The following CDH12 variants were observed in gnomAD, a reference collection of about 807,000 sequenced individuals.
CDH12 encodes cadherin 12, also known as cadherin-12.
CDH12 carries 41 observed loss-of-function variants against 74.1 expected under a neutral mutation model. The ratio of observed to expected loss-of-function variants is 0.55; its 90% CI spans 0.43 to 0.72. The LOEUF is 0.72. Among genes scored for constraint, CDH12 ranks in the 30% least tolerant of loss-of-function variants. The pLI, the probability that CDH12 is intolerant of heterozygous loss-of-function variation, is 0.00. For synonymous variants in CDH12, 399 were observed against 355.0 expected, an observed-to-expected ratio of 1.12 and a Z score of -1.39; for missense variants, 945 against 977.2, an observed-to-expected ratio of 0.97 and a Z score of 0.44.
At chr5:21,785,105 C>T (rs1746129916) in intron 10 of CDH12, among the ~76,000 whole-genome samples, 1 of 150,512 alleles carries the variant, frequency 6.6e-6, no homozygotes, top group African/African-American at 2.4e-5. Context: ...ACAGGGTGAT[C>T]TATGAACAGT....
chr5:21,914,509 C>T (rs890454429), intron 6 of CDH12, among the ~76,000 whole-genome samples: 12 of 151,848 alleles, frequency 7.9e-5, no homozygotes, highest in Admixed American at 7.2e-4. Context: ...ATATACATAC[C>T]CATACAAAGA....
At chr5:22,308,707 C>T (rs1477593990) in intron 3 of CDH12, among the ~76,000 whole-genome samples, 1 of 151,856 alleles carries the variant, frequency 6.6e-6, no homozygotes. Context: ...ATCGACAAAG[C>T]AATATTCCAT....
At chr5:22,680,126 G>A (rs2126927297) in intron 1 of CDH12, among the ~76,000 whole-genome samples, 1 of 152,016 alleles carries the variant, frequency 6.6e-6, no homozygotes, top group East Asian at 1.9e-4. Context: ...GGGGCAGGAT[G>A]GGCAACAAAG....
intron 3 of CDH12, among the ~76,000 whole-genome samples, chr5:22,324,618 A>G (rs999013033): frequency 6.6e-6 from 1 of 151,684 alleles, no homozygotes; most frequent in African/African-American, 2.4e-5. Flanking sequence ...ATTATTTTAT[A>G]AAATATATTT....
At chr5:22,812,778 T>C (rs1241186594) in intron 1 of CDH12, among the ~76,000 whole-genome samples, 1 of 151,978 alleles carries the variant, frequency 6.6e-6, no homozygotes, top group East Asian at 1.9e-4. Context: ...CCTATGTGAG[T>C]CAGATTTAGA....
At chr5:22,006,231 G>A (rs1736951695) in intron 5 of CDH12, among the ~76,000 whole-genome samples, 1 of 151,340 alleles carries the variant, frequency 6.6e-6, no homozygotes, top group Admixed American at 6.6e-5. Context: ...ATTGACCAAG[G>A]TGGTCCCAAA....
Position 22,483,748 on chromosome 5 carries a change from C to CTATATA in CDH12, c.-428+21516_-428+21521dup, listed in dbSNP as rs573933210. Reference sequence around the variant, plus strand: ...TAGCAAGGACCTGTCTCTTTCAAAACTATATATATATATATAAATTTAATT... The same window carrying CTATATA: ...TAGCAAGGACCTGTCTCTTTCAAAACTATATATATATATATATATATAAATTTAATT... On this transcript the variant is annotated intron_variant, in intron 2 of 14. Coordinates refer to ENST00000382254, the MANE Select transcript of CDH12 (RefSeq NM_004061.5). 3.0e-3 allele frequency among the ~76,000 whole-genome samples: 68 copies of CTATATA among 22,786 alleles called. 16 individuals carry two copies. Among genetic ancestry groups the CTATATA allele is most frequent in the Admixed American group, 0.023 (33 of 1,436 alleles). 14.9% of individuals were successfully genotyped at this position (22,786 alleles called of 152,430 possible). A position where few individuals can be genotyped will look rare whatever the true frequency, so the allele number is the denominator to read the frequency against.
chr5:22,650,601 G>T (rs926887553), intron 1 of CDH12, among the ~76,000 whole-genome samples: 4 of 152,072 alleles, frequency 2.6e-5, no homozygotes, highest in African/African-American at 9.7e-5. Flanking sequence ...AGAAGGAAAA[G>T]AATTCTCTGC....
At chr5:22,740,871 G>T (rs1369573443) in intron 1 of CDH12, among the ~76,000 whole-genome samples, 1 of 152,024 alleles carries the variant, frequency 6.6e-6, no homozygotes, top group Non-Finnish European at 1.5e-5. Flanking sequence ...TGTGAGAAAG[G>T]CAATATGTCT....
chr5:22,437,226 A>C (rs1014153326), intron 2 of CDH12, among the ~76,000 whole-genome samples: 5 of 151,830 alleles, frequency 3.3e-5, no homozygotes, highest in Non-Finnish European at 7.4e-5. Context: ...ACCTAAATTA[A>C]ATATACTAAA....
At chr5:22,340,954 A>C (rs1739822481) in intron 3 of CDH12, among the ~76,000 whole-genome samples, 1 of 152,218 alleles carries the variant, frequency 6.6e-6, no homozygotes, top group Admixed American at 6.5e-5. Context: ...TTATCTTTGT[A>C]ATATAAATGA....
At chr5:22,815,004 A>G (rs1749318163) in intron 1 of CDH12, among the ~76,000 whole-genome samples, 1 of 152,206 alleles carries the variant, frequency 6.6e-6, no homozygotes, top group Non-Finnish European at 1.5e-5. Flanking sequence ...AGAAATGTCA[A>G]GCTTGTCCGA....
At chr5:22,268,508 A>G (rs1049531463) in intron 3 of CDH12, among the ~76,000 whole-genome samples, 4 of 152,094 alleles carry the variant, frequency 2.6e-5, no homozygotes, top group Non-Finnish European at 5.9e-5. Context: ...TCAAAATTAT[A>G]AAGTGACATA....
chr5:21,921,298 C>T (rs1754340588), intron 6 of CDH12, among the ~76,000 whole-genome samples: 2 of 152,278 alleles, frequency 1.3e-5, no homozygotes, highest in South Asian at 4.1e-4. Context: ...TTAGCCTTAT[C>T]TATATACTTG....
chr5:22,434,048 G>A (rs1284413943), intron 2 of CDH12, among the ~76,000 whole-genome samples: 1 of 152,108 alleles, frequency 6.6e-6, no homozygotes, highest in African/African-American at 2.4e-5. Flanking sequence ...CCCCACACAT[G>A]ACTTTTATAT....
rs373081796 is a variant in CDH12 at position 21,861,320 on chromosome 5, A to T, written c.527-6530T>A. On this transcript the variant is annotated intron_variant, in intron 6 of 14. Coordinates refer to ENST00000382254, the MANE Select transcript of CDH12 (RefSeq NM_004061.5). ...CTAACTACACATTAATTTTTCCCCA[A>T]TACAAAACAGAAATTTAGTATACTT... Among the ~76,000 whole-genome samples the T allele has an allele frequency of 1.0e-3, 152 of 152,054 alleles. 1 individual carries two copies. In the South Asian group the frequency reaches 0.031, roughly 31 times the overall value.
intron 3 of CDH12, among the ~76,000 whole-genome samples, chr5:22,233,132 T>C (rs1752444261): frequency 6.6e-6 from 1 of 151,724 alleles, no homozygotes; most frequent in African/African-American, 2.4e-5. Context: ...TTCTAAAGCC[T>C]TTGGATTTCC....
chr5:22,814,261 T>G (rs866740444), intron 1 of CDH12, among the ~76,000 whole-genome samples: 1 of 152,176 alleles, frequency 6.6e-6, no homozygotes, highest in African/African-American at 2.4e-5. Context: ...CAACTTGAAA[T>G]GACAAAAATA....
intron 6 of CDH12, among the ~76,000 whole-genome samples, chr5:21,908,329 C>G (rs1289034370): frequency 6.6e-6 from 1 of 152,154 alleles, no homozygotes; most frequent in Non-Finnish European, 1.5e-5. Context: ...TACATCCAAA[C>G]TCGTTTTAAA....
Sources: allele counts gnomAD v4.1 joint callset (sites outside exome capture counted in the v4.1 genomes callset), GRCh38; gene constraint gnomAD v4.1.1; transcripts MANE v1.5; gene names NCBI Gene and HGNC (gene_info 2026-07-23, HGNC 2026-07-21).